The following TNKS1BP1 variants were observed in gnomAD, a reference collection of about 807,000 sequenced individuals.
TNKS1BP1 encodes the protein CCR4-NOT transcription complex subunit 12.
TNKS1BP1 carries 48 observed loss-of-function variants against 141.1 expected under a neutral mutation model. The observed-to-expected ratio is 0.34, with a 90% CI of 0.27 to 0.43. The LOEUF is 0.43. Among genes scored for constraint, TNKS1BP1 ranks in the 20% least tolerant of loss-of-function variants. TNKS1BP1 has a pLI of 1.00. For missense variants in TNKS1BP1, 2,149 were observed against 2,226.0 expected, an observed-to-expected ratio of 0.97 and a Z score of 0.70; for synonymous variants, 875 against 898.2, an observed-to-expected ratio of 0.97 and a Z score of 0.46.
In TNKS1BP1 at chr11:57,308,853, C is replaced by G; in HGVS notation, c.3858G>C (p.Gly1286=). 1.2e-6 allele frequency: 2 copies of G among 1,614,088 alleles called. No homozygotes were observed. Among genetic ancestry groups the G allele is most frequent in the Non-Finnish European group, 1.7e-6 (2 of 1,180,036 alleles). Residue 1286 remains glycine, a synonymous_variant, in exon 6 of 12, where the codon GGG becomes GGC. Transcript: ENST00000358252. Reference sequence around the variant, plus strand: ...CTGCCCCTGGGGCCATGTTTCTCAGCCCAAGGTCAGGTGTCCAGTCTGCCT... The same window carrying G: ...CTGCCCCTGGGGCCATGTTTCTCAGGCCAAGGTCAGGTGTCCAGTCTGCCT... The part of the protein sequence containing the change: ...VGQADWTPDL[G]LRNMAPGAVC...
Position 57,300,889 on chromosome 11 carries a change from G to A in TNKS1BP1, c.5124C>T (p.Ser1708=), listed in dbSNP as rs888973483. 1.2e-6 allele frequency: 2 copies of A among 1,613,560 alleles called. No homozygotes were observed. The highest frequency in any genetic ancestry group is 2.7e-5 in the African/African-American group (2 of 74,916). The change falls in exon 10 of 12, where the codon TCC becomes TCT. Residue 1708 remains serine, a synonymous_variant. Transcript: ENST00000358252. ...PLTLPPKPEK[S]SGSEGSSPNW... Reference sequence around the variant, plus strand: ...CCAGAGCTTAGGTCACCTACCCTGAGGATTTCTCTGGCTTGGGAGGTAACG... The same window carrying A: ...CCAGAGCTTAGGTCACCTACCCTGAAGATTTCTCTGGCTTGGGAGGTAACG...
Position 57,312,878 on chromosome 11 carries a change from G to A in TNKS1BP1, c.1810C>T (p.Pro604Ser), listed in dbSNP as rs12801000. ...AAGGCTGCCTCCCTGGTAGCCAGGG[G>A]GAGAGGGGACTCCTGTCCAGCCAAG... The part of the protein sequence containing the change: ...EPLAGQESPL[P>S]LATREAALPI... The change falls in exon 5 of 12, where the codon CCC (proline) becomes TCC (serine). Residue 604 changes from proline (P) to serine (S), a missense_variant. Physicochemically the swap from Pro to Ser is moderately conservative, Grantham distance 74. Transcript: ENST00000358252. 0.043 allele frequency: 69,555 copies of A among 1,608,176 alleles called. 1,829 individuals are homozygous for A. The highest frequency in any genetic ancestry group is 0.047 in the South Asian group (4,269 of 90,330).
intron 11 of TNKS1BP1, 137 bp downstream of exon 11, chr11:57,300,391 G>C (rs1855507436): frequency 4.0e-6 from 3 of 743,996 alleles, no homozygotes; most frequent in East Asian, 5.3e-5. Context: ...CGAGTCTCTG[G>C]AGCTTGGCTT....
intron 2 of TNKS1BP1, 58 bp from the exon 3 acceptor site, chr11:57,320,770 CTTT>C: frequency 6.7e-7 from 1 of 1,484,528 alleles, no homozygotes; most frequent in Non-Finnish European, 8.9e-7. Context: ...AGCAGAACTT[CTTT>C]GTTTCCTGTT....
chr11:57,323,079 A>C (rs1422539590), intron 1 of TNKS1BP1, among the ~76,000 whole-genome samples: 1 of 152,216 alleles, frequency 6.6e-6, no homozygotes, highest in East Asian at 1.9e-4. Flanking sequence ...GGGGGCTTAC[A>C]TGAAATAGTA....
chr11:57,312,625 A>C lies in TNKS1BP1; in HGVS notation c.2063T>G (p.Leu688Arg). 7.6e-6 allele frequency: 12 copies of C among 1,573,972 alleles called. No homozygotes were observed. The highest frequency in any genetic ancestry group is 1.0e-5 in the Non-Finnish European group (12 of 1,161,222). ...PESSSRWLDD[L>R]LASPPPSGGG... is the part of the protein sequence containing the mutation. ...ACCACTGGGTGGTGGTGAAGCCAGG[A>C]GGTCGTCCAGCCAGCGGGAGCTGCT... Residue 688 changes from leucine (L) to arginine (R), a missense_variant, in exon 5 of 12, where the codon CTC (leucine) becomes CGC (arginine). Coordinates refer to ENST00000358252, the MANE Select transcript of TNKS1BP1 (RefSeq NM_033396.3).
In TNKS1BP1 at chr11:57,310,323, G is replaced by A. The variant is rs199560725; in HGVS notation, c.2388C>T (p.Ile796=). The part of the protein sequence containing the change: ...STREWASRCG[I]GQEEMEASSS... ...TGCTGGCCTCCATCTCCTCCTGGCC[G>A]ATGCCACACCTGCTGGCCCACTCCC... The change falls in exon 6 of 12, where the codon ATC becomes ATT. Residue 796 remains isoleucine (I), a synonymous_variant. Coordinates refer to ENST00000358252, the MANE Select transcript of TNKS1BP1 (RefSeq NM_033396.3). The A allele has an allele frequency of 2.8e-5, 45 of 1,613,808 alleles. No individual in the cohort carries two copies. The Admixed American group carries it at 4.0e-4, about 14-fold the overall frequency.
rs145983942 is a variant in TNKS1BP1, at chr11:57,321,225, C to T, written c.95-513G>A. ...CCTCCTCCCCCACCCACAGCACACT[C>T]CCAGGCCACCTCCCCACTGTCATCT... On this transcript the variant is annotated intron_variant, in intron 2 of 11. Transcript: ENST00000358252. Among the ~76,000 whole-genome samples the T allele has an allele frequency of 3.0e-3, 450 of 152,250 alleles. 1 individual carries two copies. Among genetic ancestry groups the T allele is most frequent in the Middle Eastern group, 0.027 (8 of 294 alleles).
rs1385945521 is a variant in TNKS1BP1, at chr11:57,320,104, C to T, written c.703G>A (p.Glu235Lys). 23 of 1,597,532 alleles carry T rather than the reference C, an allele frequency of 1.4e-5. No homozygotes were observed. The highest frequency in any genetic ancestry group is 2.0e-5 in the Non-Finnish European group (23 of 1,170,070). ...CTCTCCTCAGGGGTCTTGCTGTGCT[C>T]TTCCCGGCACTCTGCTGGAGACTTT... ...PVKSPAECREEHSKTPEERSL... is the reference protein window; with the variant it reads ...PVKSPAECREKHSKTPEERSL... Residue 235 changes from glutamate to lysine, a missense_variant, in exon 3 of 12, where the codon GAG becomes AAG. By Grantham distance (56) the Glu-to-Lys change is moderately conservative. Coordinates refer to ENST00000358252, the MANE Select transcript of TNKS1BP1 (RefSeq NM_033396.3).
At position 57,317,122 on chromosome 11, in the gene TNKS1BP1, C is replaced by T. The variant is rs144431776; in HGVS notation, c.798+696G>A. Among the ~76,000 whole-genome samples, 50 of 152,338 alleles carry T rather than the reference C, an allele frequency of 3.3e-4. 1 individual carries two copies. In the East Asian group the frequency reaches 7.5e-3, roughly 23 times the overall value. ...CAGTGACACCTTCCCTGACCACACT[C>T]GTCCCTGCACTCTCTACTCTACCTT... On this transcript the variant is annotated intron_variant, in intron 4 of 11. Transcript: ENST00000358252.
At chr11:57,300,801 G>T in intron 10 of TNKS1BP1, 83 bp downstream of exon 10, 1 of 1,552,796 alleles carries the variant, frequency 6.4e-7, no homozygotes, top group South Asian at 1.2e-5. Context: ...GCCTCAGTTT[G>T]CCTCTTCTGT....
In TNKS1BP1 at chr11:57,313,888, A is replaced by G. The variant is rs755713637; in HGVS notation, c.800T>C (p.Ile267Thr). The G allele has an allele frequency of 1.5e-5, 22 of 1,496,954 alleles. No homozygotes were observed. Among genetic ancestry groups the G allele is most frequent in the Non-Finnish European group, 1.8e-5 (20 of 1,126,248 alleles). 92.7% of individuals were successfully genotyped at this position (1,496,954 alleles called of 1,614,324 possible). ...KAASSELPADISKPWIPSSPA... is the reference protein window; with the variant it reads ...KAASSELPADTSKPWIPSSPA... ...ACTTGAGGGAATCCAGGGCTTGGAA[A>G]TCTGCAAGAGAAAGAAAGGTCAAGA... Residue 267 changes from isoleucine (I) to threonine (T), a missense_variant and splice_region_variant, in exon 5 of 12, where the codon ATT becomes ACT. By Grantham distance (89) the Ile-to-Thr change is moderately conservative (BLOSUM62 -1). Coordinates refer to ENST00000358252, the MANE Select transcript of TNKS1BP1 (RefSeq NM_033396.3).
chr11:57,301,377 G>A (rs1002274825), intron 9 of TNKS1BP1, among the ~76,000 whole-genome samples: 8 of 151,968 alleles, frequency 5.3e-5, no homozygotes, highest in African/African-American at 1.9e-4. Context: ...TGTGCCTGCC[G>A]CCGGCTAAGA....
In TNKS1BP1 at chr11:57,314,998, A is replaced by C. The variant is rs183105230; in HGVS notation, c.799-1109T>G. 4.4e-3 allele frequency among the ~76,000 whole-genome samples: 662 copies of C among 152,068 alleles called. 2 individuals carry two copies. The highest frequency in any genetic ancestry group is 6.0e-3 in the Non-Finnish European group (409 of 67,972). On this transcript the variant is annotated intron_variant, in intron 4 of 11. Coordinates refer to ENST00000358252, the MANE Select transcript of TNKS1BP1 (RefSeq NM_033396.3). ...TCTTTCTTGTTATTGACCCTTACGCACCCATCATTCCTTGAAAACCATAAC... is the reference window on the plus strand; with the variant it reads ...TCTTTCTTGTTATTGACCCTTACGCCCCCATCATTCCTTGAAAACCATAAC...
At position 57,302,288 on chromosome 11, in the gene TNKS1BP1, T is replaced by C; in HGVS notation, c.4684-64A>G. The C allele has an allele frequency of 1.3e-6, 2 of 1,565,744 alleles. No homozygotes were observed. The highest frequency in any genetic ancestry group is 2.3e-5 in the South Asian group (2 of 87,764). ...TCATCCCACGGGAGCCCCTCAACAGTAGCTGACCAGGAGCTGGACCCCTCC... is the reference window on the plus strand; with the variant it reads ...TCATCCCACGGGAGCCCCTCAACAGCAGCTGACCAGGAGCTGGACCCCTCC... On this transcript the variant is annotated intron_variant, in intron 7 of 11. Transcript: ENST00000358252. This position sits in a 1 kb window ranked among gnomAD's most constrained non-coding sequence, Gnocchi z 5.5.
rs755371481 is a variant in TNKS1BP1 at position 57,309,798 on chromosome 11, G to A, written c.2913C>T (p.Asp971=). ...YSSGGSSRTL[D]AQDRSFGTRP... is the part of the protein sequence containing the mutation. The stretch of plus-strand genomic sequence containing the variant: ...TCGTTCCAAAGCTTCTGTCCTGGGC[G>A]TCAAGGGTCCTGGAGCTGCCACCAC... Residue 971 remains aspartate, a synonymous_variant, in exon 6 of 12, where the codon GAC becomes GAT. Transcript: ENST00000358252. The surrounding 1 kb of genome is among the most constrained non-coding windows in gnomAD (Gnocchi z 4.3). 1.5e-5 allele frequency: 24 copies of A among 1,614,046 alleles called. No individual in the cohort carries two copies. The highest frequency in any genetic ancestry group is 1.8e-5 in the Non-Finnish European group (21 of 1,180,026).
chr11:57,312,994 G>T lies in TNKS1BP1; in HGVS notation c.1694C>A (p.Pro565Gln), dbSNP rs747652582. 8.7e-6 allele frequency: 14 copies of T among 1,613,810 alleles called. 1 individual carries two copies. The highest frequency in any genetic ancestry group is 1.1e-5 in the Non-Finnish European group (13 of 1,180,024). Residue 565 changes from proline (P) to glutamine (Q), a missense_variant, in exon 5 of 12, where the codon CCA becomes CAA. By Grantham distance (76) the Pro-to-Gln change is moderately conservative. Coordinates refer to ENST00000358252, the MANE Select transcript of TNKS1BP1 (RefSeq NM_033396.3). ...AGGCAGGGGCTCAAGGGGAACAGCT[G>T]GGAATTGAGGTTGACTCTCCCCATC... ...KGDGESQPQF[P>Q]AVPLEPLPTT...
Position 57,313,878 on chromosome 11 carries a change from G to A in TNKS1BP1, c.810C>T (p.Pro270=). Residue 270 remains proline (P), a synonymous_variant, in exon 5 of 12, where the codon CCC becomes CCT. Coordinates refer to ENST00000358252, the MANE Select transcript of TNKS1BP1 (RefSeq NM_033396.3). ...AGGGGGCTGGACTTGAGGGAATCCA[G>A]GGCTTGGAAATCTGCAAGAGAAAGA... The part of the protein sequence containing the change: ...SSELPADISK[P]WIPSSPAPSS... 6.7e-7 allele frequency: 1 copy of A among 1,503,278 alleles called. No individual in the cohort carries two copies. Among genetic ancestry groups the A allele is most frequent in the Non-Finnish European group, 8.9e-7 (1 of 1,129,518 alleles). 93.1% of individuals were successfully genotyped at this position (1,503,278 alleles called of 1,614,324 possible).
In TNKS1BP1 at chr11:57,306,193, G is replaced by A. The variant is rs375196205; in HGVS notation, c.4316+2202C>T. ...CTCAGGAGGCTGAGGCAGGAGAATC[G>A]CTTGAACCCAGAAGGCAGAGGTTGC... On this transcript the variant is annotated intron_variant, in intron 6 of 11. Transcript: ENST00000358252. Among the ~76,000 whole-genome samples, 74 of 151,280 alleles carry A rather than the reference G, an allele frequency of 4.9e-4. 1 individual carries two copies. The East Asian group carries it at 0.013, about 27-fold the overall frequency.
Sources: gnomAD v4.1 joint callset for allele counts (sites outside exome capture counted in the v4.1 genomes callset) on GRCh38, gnomAD v4.1.1 for gene constraint, Gnocchi (gnomAD v3.1) non-coding constraint, MANE v1.5 for transcripts, NCBI Gene and HGNC (gene_info 2026-07-23, HGNC 2026-07-21) for gene names.